Variants in DBR1 observed in about 807,000 individuals in gnomAD.
DBR1 encodes debranching RNA lariats 1.
In DBR1, 33 loss-of-function variants were observed where a neutral mutation model predicts 45.9. The observed-to-expected ratio is 0.72, with a 90% CI of 0.55 to 0.96. The LOEUF is 0.96. Ranked by LOEUF, DBR1 falls within the 40% of genes least tolerant of loss-of-function variation. The pLI, the probability that DBR1 is intolerant of heterozygous loss-of-function variation, is 0.00. For synonymous variants in DBR1, 235 were observed against 235.9 expected, an observed-to-expected ratio of 1.00 and a Z score of 0.04; for missense variants, 619 against 667.4, an observed-to-expected ratio of 0.93 and a Z score of 0.80.
chr3:138,171,641 T>C lies in DBR1; in HGVS notation c.395A>G (p.Tyr132Cys), dbSNP rs753016556. The C allele has an allele frequency of 8.1e-6, 13 of 1,611,586 alleles. No homozygotes were observed. The Admixed American group carries it at 1.5e-4, about 19-fold the overall frequency. Reference protein sequence around the residue: ...GISGIFKSHDYRKGHFECPPY... With the variant: ...GISGIFKSHDCRKGHFECPPY... The stretch of plus-strand genomic sequence containing the variant: ...AATTCTCAAAACAATACCTTTTCGA[T>C]AGTCATGAGATTTAAAGATACCAGA... The change falls in exon 3 of 8, where the codon TAT becomes TGT. Residue 132 changes from tyrosine (Y) to cysteine (C), a missense_variant. Transcript: ENST00000260803.
intron 4 of DBR1, 28 bp downstream of exon 4, chr3:138,170,079 A>G (rs775338254): frequency 1.5e-6 from 2 of 1,368,772 alleles, no homozygotes; most frequent in Non-Finnish European, 2.1e-6. Context: ...AATGTTTTCA[A>G]GTCTGCTGTA....
intron 2 of DBR1, 47 bp from the exon 3 acceptor site, chr3:138,171,760 T>A: frequency 7.5e-7 from 1 of 1,332,966 alleles, no homozygotes; most frequent in Non-Finnish European, 1.1e-6. Context: ...AAGGAATCTC[T>A]ACACCGACTG....
chr3:138,166,970 T>A (rs2042933203), intron 5 of DBR1, 111 bp downstream of exon 5: 1 of 932,564 alleles, frequency 1.1e-6, no homozygotes, highest in African/African-American at 1.7e-5. Context: ...ATTGAGCTAC[T>A]CACAAGAGGT....
At chr3:138,173,688 C>T (rs886317320) in intron 1 of DBR1, 62 bp from the exon 2 acceptor site, 31 of 1,444,630 alleles carry the variant, frequency 2.1e-5, no homozygotes, top group Admixed American at 7.0e-5. Context: ...AAATAAGTTC[C>T]GAAAAAAAAA....
Position 138,163,425 on chromosome 3 carries a change from G to C in DBR1, c.865C>G (p.Leu289Val). 1 of 1,613,566 alleles carries C rather than the reference G, an allele frequency of 6.2e-7. No homozygotes were observed. The highest frequency in any genetic ancestry group is 8.5e-7 in the Non-Finnish European group (1 of 1,179,544). Residue 289 changes from leucine (L) to valine (V), a missense_variant, in exon 7 of 8, where the codon CTC becomes GTC. Leu to Val is a conservative substitution (Grantham distance 32). This residue lies in a region of DBR1 where 430 missense variants were observed against 447.7 expected (regional missense o/e 0.96). Coordinates refer to ENST00000260803, the MANE Select transcript of DBR1 (RefSeq NM_016216.4). Reference protein sequence around the residue: ...LEYDIEWLTILRATDDLINVT... With the variant: ...LEYDIEWLTIVRATDDLINVT... ...TTAATAAGATCATCCGTAGCCCTGA[G>C]AATAGTGAGCCATTCAATATCATAT...
chr3:138,164,370 A>C (rs1432836987), intron 5 of DBR1, among the ~76,000 whole-genome samples: 1 of 152,250 alleles, frequency 6.6e-6, no homozygotes, highest in Admixed American at 6.5e-5. Context: ...ACATGAGTGA[A>C]TCTCAAAATC....
In DBR1 at chr3:138,174,916, T is replaced by G. The variant is rs924698401; in HGVS notation, c.-121A>C. ...GTATAGCCACCGCCTGGGTGTAGAC[T>G]CCTGCAAAATAATTCACTTCCGGTT... On this transcript the variant is annotated 5_prime_UTR_variant, in exon 1 of 8. Transcript: ENST00000260803. The G allele has an allele frequency of 2.5e-5, 21 of 854,628 alleles. No individual in the cohort carries two copies. Among genetic ancestry groups the G allele is most frequent in the East Asian group, 5.6e-5 (2 of 35,516 alleles). The allele number at this position is 854,628 out of a possible 1,614,324, so 52.9% of individuals were successfully genotyped here. A position where few individuals can be genotyped will look rare whatever the true frequency, so the allele number is the denominator to read the frequency against.
chr3:138,173,664 C>T (rs2042965368), intron 1 of DBR1, 38 bp from the exon 2 acceptor site: 2 of 1,545,434 alleles, frequency 1.3e-6, no homozygotes, highest in Non-Finnish European at 1.7e-6. Flanking sequence ...CACAATTAGG[C>T]ATAGCAGAAA....
intron 1 of DBR1, among the ~76,000 whole-genome samples, chr3:138,173,848 C>A (rs2042966344): frequency 6.6e-6 from 1 of 151,882 alleles, no homozygotes; most frequent in South Asian, 2.1e-4. Flanking sequence ...ACCAACCTGG[C>A]CAATGTGGTG....
intron 1 of DBR1, 55 bp downstream of exon 1, chr3:138,174,544 A>T: frequency 6.6e-7 from 1 of 1,506,220 alleles, no homozygotes; most frequent in Non-Finnish European, 9.0e-7. Flanking sequence ...CCAGTGGCAG[A>T]GGGAACCCAG....
At position 138,163,402 on chromosome 3, in the gene DBR1, A is replaced by T; in HGVS notation, c.888T>A (p.Ile296=). The T allele has an allele frequency of 6.2e-7, 1 of 1,614,036 alleles. No homozygotes were observed. The highest frequency in any genetic ancestry group is 8.5e-7 in the Non-Finnish European group (1 of 1,179,908). ...LTILRATDDL[I]NVTGRLWNMP... is the part of the protein sequence containing the mutation. The stretch of plus-strand genomic sequence containing the variant: ...TATTCCACAGGCGCCCAGTCACATT[A>T]ATAAGATCATCCGTAGCCCTGAGAA... Residue 296 remains isoleucine (I), a synonymous_variant, in exon 7 of 8, where the codon ATT becomes ATA. Coordinates refer to ENST00000260803, the MANE Select transcript of DBR1 (RefSeq NM_016216.4).
chr3:138,162,616 T>G, intron 7 of DBR1, 34 bp from the exon 8 acceptor site: 1 of 1,519,020 alleles, frequency 6.6e-7, no homozygotes, highest in Non-Finnish European at 9.0e-7. Context: ...TTTTTACATT[T>G]TATCAGCTCT....
At chr3:138,167,621 A>G (rs1419775810) in intron 4 of DBR1, among the ~76,000 whole-genome samples, 4 of 152,228 alleles carry the variant, frequency 2.6e-5, no homozygotes, top group Admixed American at 2.6e-4. Context: ...AATACACGAT[A>G]ACCATAGTTC....
chr3:138,163,827 G>A lies in DBR1; in HGVS notation c.746C>T (p.Thr249Ile), dbSNP rs1299799001. The A allele has an allele frequency of 1.2e-6, 2 of 1,612,908 alleles. No individual in the cohort carries two copies. Among genetic ancestry groups the A allele is most frequent in the African/African-American group, 1.3e-5 (1 of 74,852 alleles). Residue 249 changes from threonine (T) to isoleucine (I), a missense_variant, in exon 6 of 8, where the codon ACC becomes ATC. Thr to Ile is a moderately conservative substitution (Grantham distance 89, BLOSUM62 -1). Coordinates refer to ENST00000260803, the MANE Select transcript of DBR1 (RefSeq NM_016216.4). ...GCATTTGTCCAAGGCTAAAAATTTGGTTGCTCTGGCTGTCTGTCCTTTATC... is the reference window on the plus strand; with the variant it reads ...GCATTTGTCCAAGGCTAAAAATTTGATTGCTCTGGCTGTCTGTCCTTTATC... The part of the protein sequence containing the change: ...AKDKGQTARA[T>I]KFLALDKCLP...
chr3:138,171,499 AAG>A, intron 3 of DBR1, 132 bp downstream of exon 3: 147 of 324,294 alleles, frequency 4.5e-4, no homozygotes, highest in South Asian at 1.5e-3. Context: ...AAAAAAAAAA[AAG>A]CAAAATACTA....
At chr3:138,173,087 C>A (rs201751367) in intron 2 of DBR1, among the ~76,000 whole-genome samples, 330 of 134,448 alleles carry the variant, frequency 2.5e-3, no homozygotes, top group Middle Eastern at 4.1e-3. Context: ...TCTCTTCCCA[C>A]AAAAAAAAAA....
At position 138,161,901 on chromosome 3, in the gene DBR1, G is replaced by A. The variant is rs2622736; in HGVS notation, c.1623C>T (p.Asp541=). ...AIYAAVDDDD[D]DAA Reference sequence around the variant, plus strand: ...CAAGTAAATCATCTTAAGCTGCATCGTCATCATCATCATCCACTGCAGCGT... The same window carrying A: ...CAAGTAAATCATCTTAAGCTGCATCATCATCATCATCATCCACTGCAGCGT... The change falls in exon 8 of 8, where the codon GAC becomes GAT. Residue 541 remains aspartate, a synonymous_variant. Coordinates refer to ENST00000260803, the MANE Select transcript of DBR1 (RefSeq NM_016216.4). The A allele has an allele frequency of 0.66, 1,050,457 of 1,591,570 alleles. 342,643 individuals are homozygous for A. Among genetic ancestry groups the A allele is most frequent in the Non-Finnish European group, 0.68 (792,632 of 1,161,770 alleles).
At position 138,174,457 on chromosome 3, in the gene DBR1, A is replaced by G. The variant is rs2042969356; in HGVS notation, c.197+142T>C. 15 of 850,754 alleles carry G rather than the reference A, an allele frequency of 1.8e-5. No homozygotes were observed. In the South Asian group the frequency reaches 1.8e-4, roughly 10 times the overall value. The allele number at this position is 850,754 out of a possible 1,614,324, so 52.7% of individuals were successfully genotyped here. A position where few individuals can be genotyped will look rare whatever the true frequency, so the allele number is the denominator to read the frequency against. Reference sequence around the variant, plus strand: ...CTGAATACATTTCCCGCCTCCCACTACCTCACCCCTGTATTCAGTTAGGCA... The same window carrying G: ...CTGAATACATTTCCCGCCTCCCACTGCCTCACCCCTGTATTCAGTTAGGCA... On this transcript the variant is annotated intron_variant, in intron 1 of 7. Transcript: ENST00000260803.
At position 138,161,944 on chromosome 3, in the gene DBR1, CTCT is replaced by C. The variant is rs1332836627; in HGVS notation, c.1577_1579del (p.Lys526del). 3.7e-6 allele frequency: 6 copies of C among 1,614,082 alleles called. No homozygotes were observed. Among genetic ancestry groups the C allele is most frequent in the Admixed American group, 1.7e-5 (1 of 60,004 alleles). On this transcript the variant is annotated inframe_deletion, in exon 8 of 8. Coordinates refer to ENST00000260803, the MANE Select transcript of DBR1 (RefSeq NM_016216.4). ...TGCAGCGTAAATGGCTTGATTCCTC[CTCT>C]TAATTTTCTTTCTTTGTTCAGGTTC...
Sources: allele counts gnomAD v4.1 joint callset (sites outside exome capture counted in the v4.1 genomes callset), GRCh38; gene constraint gnomAD v4.1.1; regional missense constraint gnomAD v4.1.1; transcripts MANE v1.5; gene names NCBI Gene and HGNC (gene_info 2026-07-23, HGNC 2026-07-21).